The following MYO1H variants were observed in gnomAD, a reference collection of about 807,000 sequenced individuals.
MYO1H encodes the protein unconventional myosin-Ih.
Under a neutral mutation model 149.3 loss-of-function variants are expected in MYO1H, and 118 were observed. The ratio of observed to expected loss-of-function variants is 0.79; its 90% CI spans 0.68 to 0.92. MYO1H has a LOEUF of 0.92. Among genes scored for constraint, MYO1H ranks in the 40% least tolerant of loss-of-function variants. The pLI is 0.00. For synonymous variants in MYO1H, 447 were observed against 465.2 expected, an observed-to-expected ratio of 0.96 and a Z score of 0.50; for missense variants, 1,212 against 1,280.7, an observed-to-expected ratio of 0.95 and a Z score of 0.82.
intron 1 of MYO1H, among the ~76,000 whole-genome samples, chr12:109,387,234 AT>A (rs933008992): frequency 2.6e-5 from 4 of 151,730 alleles, no homozygotes; most frequent in African/African-American, 9.7e-5. Context: ...CACAACTGCA[AT>A]TTTTTTTCTT....
At chr12:109,426,292 T>G (rs186933274) in intron 18 of MYO1H, among the ~76,000 whole-genome samples, 4 of 152,270 alleles carry the variant, frequency 2.6e-5, no homozygotes, top group East Asian at 3.9e-4. Context: ...GAAACCAGTT[T>G]GGGCAACATG....
intron 19 of MYO1H, among the ~76,000 whole-genome samples, chr12:109,428,842 G>A (rs1400102009): frequency 1.3e-5 from 2 of 152,028 alleles, no homozygotes; most frequent in Non-Finnish European, 2.9e-5. Flanking sequence ...CCATCTACCT[G>A]TGTTTTTTTG....
the MYO1H span, among the ~76,000 whole-genome samples, chr12:109,322,270 A>G: frequency 3.3e-5 from 5 of 152,180 alleles, no homozygotes; most frequent in African/African-American, 1.2e-4. Context: ...TAGCTCCAAG[A>G]GAGCCTTGAA....
the MYO1H span, among the ~76,000 whole-genome samples, chr12:109,328,220 C>G: frequency 6.6e-6 from 1 of 151,298 alleles, no homozygotes; most frequent in Non-Finnish European, 1.5e-5. Context: ...GGGTGAAATT[C>G]TCATTACTGT....
chr12:109,394,001 C>T (rs375280094), intron 3 of MYO1H, among the ~76,000 whole-genome samples: 9 of 152,166 alleles, frequency 5.9e-5, no homozygotes. Flanking sequence ...GCTGTGGAAG[C>T]TTAAGAGGTG....
intron 15 of MYO1H, among the ~76,000 whole-genome samples, chr12:109,420,516 G>C (rs930419392): frequency 2.0e-5 from 3 of 152,104 alleles, no homozygotes; most frequent in Non-Finnish European, 4.4e-5. Flanking sequence ...CCCGGAGGAG[G>C]AGGAATAGAG....
intron 22 of MYO1H, 36 bp downstream of exon 22, chr12:109,436,592 T>A: frequency 6.8e-7 from 1 of 1,470,368 alleles, no homozygotes; most frequent in South Asian, 1.2e-5. Flanking sequence ...GTTTGCTCCC[T>A]TTCTCATCTG....
In MYO1H at chr12:109,446,907, C is replaced by G. The variant is rs113546845; in HGVS notation, c.3094-252C>G. 8.7e-3 allele frequency among the ~76,000 whole-genome samples: 1,324 copies of G among 152,186 alleles called. 22 individuals are homozygous for G. The highest frequency in any genetic ancestry group is 0.031 in the African/African-American group (1,272 of 41,504). ...TTACACACTGTCTTAAAAGTGACAC[C>G]CCAGAGACTGTGTCTCTCTCCTCTG... is the stretch of plus-strand genomic sequence containing the variant. On this transcript the variant is annotated intron_variant, in intron 31 of 31. Transcript: ENST00000310903.
chr12:109,385,871 T>C (rs1394965977), intron 1 of MYO1H, among the ~76,000 whole-genome samples: 1 of 152,170 alleles, frequency 6.6e-6, no homozygotes, highest in Non-Finnish European at 1.5e-5. Flanking sequence ...TCCCCACTTA[T>C]TTTTTACGGT....
intron 15 of MYO1H, among the ~76,000 whole-genome samples, chr12:109,417,036 T>C (rs144087593): frequency 0.17 from 24,872 of 148,496 alleles, 2,479 homozygotes; most frequent in African/African-American, 0.28. Context: ...CCGGTCGTGG[T>C]GGTGATCGCC....
chr12:109,410,599 A>AT (rs1870621461), intron 12 of MYO1H, 89 bp from the exon 13 acceptor site: 3 of 791,840 alleles, frequency 3.8e-6, no homozygotes, highest in Non-Finnish European at 4.2e-6. Flanking sequence ...TAGATTTTGA[A>AT]AAAAGATGTT....
exon 13 of MYO1H, chr12:109,410,746 A>T (rs1050996455): frequency 1.3e-6 from 2 of 1,596,328 alleles, no homozygotes; most frequent in Non-Finnish European, 1.7e-6. Flanking sequence ...GAAGAGAGAC[A>T]TAAAGGAATC....
intron 15 of MYO1H, among the ~76,000 whole-genome samples, chr12:109,420,459 A>T (rs1866066): frequency 0.51 from 77,516 of 151,924 alleles, 20,660 homozygotes; most frequent in African/African-American, 0.65. Flanking sequence ...CTCAGGAAAC[A>T]TACAATCATG....
intron 1 of MYO1H, among the ~76,000 whole-genome samples, chr12:109,387,037 T>A (rs867808011): frequency 0.063 from 8,854 of 141,292 alleles, 864 homozygotes; most frequent in African/African-American, 0.23. Context: ...TGTGTGTGTG[T>A]GTGTAGTGTA....
At chr12:109,325,086 T>C in the MYO1H span, among the ~76,000 whole-genome samples, 1,762 of 152,346 alleles carry the variant, frequency 0.012, 35 homozygotes, top group African/African-American at 0.04. Flanking sequence ...TTCCATGGTG[T>C]ATATGTACCA....
rs1204639767 is a variant in MYO1H, at chr12:109,441,847, G to C, written c.2632+139G>C. On this transcript the variant is annotated intron_variant, in intron 26 of 31. Coordinates refer to ENST00000310903, the Ensembl canonical transcript of MYO1H. ...GGATTGCCTGAGCTCAGGAGTTCGA[G>C]ACCAGCCTGGCCAACATGGCGAAAC... The C allele has an allele frequency of 6.7e-6, 4 of 600,492 alleles. No homozygotes were observed. The East Asian group carries it at 9.0e-5, about 13-fold the overall frequency. The allele number at this position is 600,492 out of a possible 1,614,324, so 37.2% of individuals were successfully genotyped here.
exon 3 of MYO1H, chr12:109,393,348 C>G: frequency 6.3e-7 from 1 of 1,578,194 alleles, no homozygotes; most frequent in African/African-American, 1.3e-5. Context: ...TTGGCACCCT[C>G]CTTGTGTCTG....
At chr12:109,323,987 G>A in the MYO1H span, among the ~76,000 whole-genome samples, 1 of 149,538 alleles carries the variant, frequency 6.7e-6, no homozygotes, top group Non-Finnish European at 1.5e-5. Flanking sequence ...AATTAGTCTG[G>A]GAAACATAGT....
At chr12:109,339,553 T>C in the MYO1H span, among the ~76,000 whole-genome samples, 1 of 152,148 alleles carries the variant, frequency 6.6e-6, no homozygotes, top group Non-Finnish European at 1.5e-5. Flanking sequence ...TCCTAAATAA[T>C]GTTGAAGGGC....
Sources: gnomAD v4.1 joint callset for allele counts (sites outside exome capture counted in the v4.1 genomes callset) on GRCh38, gnomAD v4.1.1 for gene constraint, MANE v1.5 for transcripts, NCBI Gene and HGNC (gene_info 2026-07-23, HGNC 2026-07-21) for gene names.